GET4: variants seen among roughly 807,000 people sequenced by gnomAD.
GET4 encodes the protein guided entry of tail-anchored proteins factor 4.
A neutral mutation model predicts 40.0 loss-of-function variants in GET4; 20 were observed. That is an observed-to-expected ratio of 0.50 (90% CI 0.35 to 0.73). The LOEUF (loss-of-function observed/expected upper bound fraction) is 0.73. Ranked by LOEUF, GET4 falls within the 30% of genes least tolerant of loss-of-function variation. The pLI, the probability that GET4 is intolerant of heterozygous loss-of-function variation, is 0.01. For synonymous variants in GET4, 280 were observed against 194.6 expected (o/e 1.44, Z -3.65); for missense variants, 557 against 454.0 (o/e 1.23, Z -2.06).
intron 1 of GET4, among the ~76,000 whole-genome samples, chr7:878,711 G>A: frequency 6.6e-6 from 1 of 151,784 alleles, no homozygotes; most frequent in East Asian, 1.9e-4. Context: ...CTCCTGAGTA[G>A]CTGGAATTAC....
chr7:893,392 T>TTGGGCG (rs1174393368), intron 6 of GET4, among the ~76,000 whole-genome samples: 1 of 121,856 alleles, frequency 8.2e-6, no homozygotes, highest in East Asian at 2.5e-4. Flanking sequence ...CAGGTGAGTG[T>TTGGGCG]TGGGCGTGGG....
chr7:892,445 G>A, intron 6 of GET4, 27 bp downstream of exon 6: 1 of 1,581,198 alleles, frequency 6.3e-7, no homozygotes, highest in Non-Finnish European at 8.7e-7. Flanking sequence ...TGCAGGGGGA[G>A]GGGGCTGTGA....
intron 1 of GET4, chr7:878,171 G>A: frequency 2.3e-6 from 1 of 439,910 alleles, no homozygotes; most frequent in Non-Finnish European, 4.8e-6. Flanking sequence ...GGGCGAGCGC[G>A]AGCAGAGCTG....
chr7:894,117 G>A, intron 8 of GET4, 146 bp downstream of exon 8: 1 of 581,668 alleles, frequency 1.7e-6, no homozygotes, highest in Non-Finnish European at 3.0e-6. Context: ...TTTGTTAGTA[G>A]GAAATTATTA....
In GET4 at chr7:886,071, C is replaced by A. The variant is rs1011942447; in HGVS notation, c.171C>A (p.Ser57Arg). Residue 57 changes from serine (S) to arginine (R), a missense_variant, in exon 2 of 9, where the codon AGC becomes AGA. Coordinates refer to ENST00000265857, the MANE Select transcript of GET4 (RefSeq NM_015949.3). ...TCTGTGGCAGGTACATGTCCCAGAG[C>A]AAGCACACGGAGGCCCGGGAGCTCA... ...RTLFFRYMSQ[S>R]KHTEARELMY... The A allele has an allele frequency of 1.2e-6, 2 of 1,606,402 alleles. No individual in the cohort carries two copies. The highest frequency in any genetic ancestry group is 1.1e-5 in the South Asian group (1 of 90,978).
At chr7:880,389 C>A (rs189474096) in intron 1 of GET4, 1 of 152,250 alleles carries the variant, frequency 6.6e-6, no homozygotes, top group Non-Finnish European at 1.5e-5. Context: ...AAATGGATCT[C>A]CCCCGAAATA....
At chr7:890,722 T>C (rs899194330) in intron 4 of GET4, among the ~76,000 whole-genome samples, 5 of 152,076 alleles carry the variant, frequency 3.3e-5, no homozygotes, top group Admixed American at 6.6e-5. Flanking sequence ...TGAGTGACTT[T>C]TCCCCGTGGA....
In GET4 at chr7:885,911, G is replaced by A. The variant is rs181617711; in HGVS notation, c.156-145G>A. On this transcript the variant is annotated intron_variant, in intron 1 of 8. Coordinates refer to ENST00000265857, the MANE Select transcript of GET4 (RefSeq NM_015949.3). Reference sequence around the variant, plus strand: ...GACACCCAGGATAGACCCCCTCCACGCAGCACCTGGGCCCTGGGAGCGGCT... The same window carrying A: ...GACACCCAGGATAGACCCCCTCCACACAGCACCTGGGCCCTGGGAGCGGCT... 1,011 of 655,542 alleles carry A rather than the reference G, an allele frequency of 1.5e-3. 3 individuals carry two copies. The highest frequency in any genetic ancestry group is 4.3e-3 in the Admixed American group (183 of 42,200). 40.6% of individuals were successfully genotyped at this position (655,542 alleles called of 1,614,324 possible).
At chr7:894,001 T>A in intron 8 of GET4, 30 bp downstream of exon 8, 1 of 1,490,636 alleles carries the variant, frequency 6.7e-7, no homozygotes. Flanking sequence ...TCACACCCAC[T>A]CCAGCCCTGG....
intron 4 of GET4, 128 bp downstream of exon 4, chr7:887,647 C>A: frequency 1.5e-6 from 1 of 680,796 alleles, no homozygotes. Flanking sequence ...TCACGCGGGC[C>A]GGTCCATGGA....
intron 4 of GET4, 82 bp downstream of exon 4, chr7:887,601 C>A (rs1412488914): frequency 6.3e-6 from 7 of 1,108,970 alleles, no homozygotes; most frequent in East Asian, 2.8e-5. Flanking sequence ...ACATCAGGGT[C>A]ACCCACCAGG....
At chr7:883,553 G>A (rs1212867930) in intron 1 of GET4, 4 of 985,086 alleles carry the variant, frequency 4.1e-6, no homozygotes, top group South Asian at 9.4e-5. Context: ...TGTTTTGGCC[G>A]GCAGAGAGCA....
chr7:893,079 A>T (rs1844368785), intron 6 of GET4, among the ~76,000 whole-genome samples: 1 of 116,272 alleles, frequency 8.6e-6, no homozygotes, highest in African/African-American at 3.5e-5. Context: ...TGTGCAGGCG[A>T]GTGTTGGGTG....
chr7:893,861 G>C (rs527392694), intron 7 of GET4, 38 bp from the exon 8 acceptor site: 5 of 1,610,246 alleles, frequency 3.1e-6, no homozygotes, highest in East Asian at 4.5e-5. Flanking sequence ...CCACGGTCTG[G>C]GTCCACCCCC....
At chr7:885,875 A>G (rs567667476) in intron 1 of GET4, 181 bp from the exon 2 acceptor site, 8 of 601,228 alleles carry the variant, frequency 1.3e-5, no homozygotes, top group Non-Finnish European at 2.1e-5. Context: ...TGCAGCCCTC[A>G]TGGTCAGCAG....
intron 4 of GET4, 87 bp downstream of exon 4, chr7:887,606 A>C: frequency 4.7e-6 from 5 of 1,057,356 alleles, no homozygotes; most frequent in Non-Finnish European, 6.5e-6. Flanking sequence ...AGGGTCACCC[A>C]CCAGGGCAGA....
At chr7:877,130 C>T (rs1386665413) in intron 1 of GET4, among the ~76,000 whole-genome samples, 3 of 151,786 alleles carry the variant, frequency 2.0e-5, no homozygotes, top group Non-Finnish European at 2.9e-5. Flanking sequence ...CCTCTGTCTC[C>T]TCGGCCGCCT....
At chr7:884,047 T>G in intron 1 of GET4, 1 of 1,170,404 alleles carries the variant, frequency 8.5e-7, no homozygotes, top group Non-Finnish European at 1.1e-6. Flanking sequence ...CAGAGCAGGC[T>G]CCTCGTGCAG....
Position 887,316 on chromosome 7 carries a change from CAG to C in GET4, c.317-49_317-48del. 3.9e-6 allele frequency: 6 copies of C among 1,534,244 alleles called. No individual in the cohort carries two copies. In the South Asian group the frequency reaches 4.7e-5, roughly 12 times the overall value. Reference sequence around the variant, plus strand: ...ATCCACTTCTGTGGGGAATGTGGGACAGAGAGCCGGAGTGGCCGTGCGTTCCT... The same window carrying C: ...ATCCACTTCTGTGGGGAATGTGGGACAGAGCCGGAGTGGCCGTGCGTTCCT... On this transcript the variant is annotated intron_variant, in intron 3 of 8. Transcript: ENST00000265857.
Sources: gnomAD v4.1 joint callset for allele counts (sites outside exome capture counted in the v4.1 genomes callset) on GRCh38, gnomAD v4.1.1 for gene constraint, MANE v1.5 for transcripts, NCBI Gene and HGNC (gene_info 2026-07-23, HGNC 2026-07-21) for gene names.